The following SLC35D4 variants were observed in gnomAD, a reference collection of about 807,000 sequenced individuals.
SLC35D4 encodes UDP-N-acetylglucosamine transporter SLC35D4.
chr18:23,408,746 C>T, the SLC35D4 span, among the ~76,000 whole-genome samples: 2 of 151,846 alleles, frequency 1.3e-5, no homozygotes, highest in South Asian at 2.1e-4. Context: ...TATTTTCCTT[C>T]AACAGACATG....
chr18:23,278,861 A>C, the SLC35D4 span, among the ~76,000 whole-genome samples: 1 of 152,016 alleles, frequency 6.6e-6, no homozygotes, highest in South Asian at 2.1e-4. Flanking sequence ...AAACGAAAAA[A>C]ATATTAGCCG....
the SLC35D4 span, among the ~76,000 whole-genome samples, chr18:23,263,157 C>T: frequency 4.6e-5 from 7 of 152,326 alleles, no homozygotes; most frequent in African/African-American, 1.7e-4. Context: ...AAGATTCAAA[C>T]CCAGCTATAA....
chr18:23,403,029 C>A, the SLC35D4 span, among the ~76,000 whole-genome samples: 4 of 152,076 alleles, frequency 2.6e-5, no homozygotes, highest in African/African-American at 9.7e-5. Context: ...TCACTTGGAT[C>A]TGGGAGGTGG....
the SLC35D4 span, among the ~76,000 whole-genome samples, chr18:23,299,124 G>A: frequency 6.6e-6 from 1 of 152,142 alleles, no homozygotes; most frequent in African/African-American, 2.4e-5. Context: ...TTAGAATCAG[G>A]CCAATTCAAG....
chr18:23,316,296 A>C, the SLC35D4 span, among the ~76,000 whole-genome samples: 3 of 152,208 alleles, frequency 2.0e-5, no homozygotes, highest in African/African-American at 7.2e-5. Flanking sequence ...TCACATATGA[A>C]TGTTACCAAC....
chr18:23,404,089 G>C, the SLC35D4 span, among the ~76,000 whole-genome samples: 1,912 of 152,184 alleles, frequency 0.013, 24 homozygotes, highest in Non-Finnish European at 0.017. Flanking sequence ...CTGCACTCCA[G>C]CCTGGCGATA....
the SLC35D4 span, chr18:23,371,363 G>A: frequency 1.4e-6 from 2 of 1,383,816 alleles, no homozygotes; most frequent in South Asian, 3.0e-5. Context: ...CCAAAGTGCT[G>A]GGATTCCAGG....
At chr18:23,280,728 C>A in the SLC35D4 span, among the ~76,000 whole-genome samples, 1 of 151,916 alleles carries the variant, frequency 6.6e-6, no homozygotes, top group Non-Finnish European at 1.5e-5. Flanking sequence ...CCACAGGCAA[C>A]AGGAGACTGT....
the SLC35D4 span, among the ~76,000 whole-genome samples, chr18:23,242,383 C>G: frequency 6.6e-6 from 1 of 152,148 alleles, no homozygotes; most frequent in Non-Finnish European, 1.5e-5. Context: ...AATGTTGAGC[C>G]ACCTGGCTAC....
the SLC35D4 span, among the ~76,000 whole-genome samples, chr18:23,311,577 C>T: frequency 6.6e-6 from 1 of 152,182 alleles, no homozygotes; most frequent in Non-Finnish European, 1.5e-5. Context: ...TATAGATGAT[C>T]TTGACTCTGA....
the SLC35D4 span, among the ~76,000 whole-genome samples, chr18:23,279,828 C>A: frequency 6.6e-6 from 1 of 152,152 alleles, no homozygotes; most frequent in Admixed American, 6.5e-5. Context: ...CTCACACACA[C>A]ACATATATAC....
chr18:23,305,081 T>C, the SLC35D4 span, among the ~76,000 whole-genome samples: 23 of 152,358 alleles, frequency 1.5e-4, no homozygotes, highest in Admixed American at 1.5e-3. Flanking sequence ...TCAATAAAGA[T>C]GTTTAACTGA....
the SLC35D4 span, among the ~76,000 whole-genome samples, chr18:23,434,932 CG>C: frequency 1.3e-5 from 2 of 151,932 alleles, no homozygotes; most frequent in African/African-American, 4.8e-5. Context: ...CTGAGGTGGG[CG>C]GATCACCTGA....
the SLC35D4 span, chr18:23,370,159 A>G: frequency 6.7e-7 from 1 of 1,491,468 alleles, no homozygotes; most frequent in Non-Finnish European, 9.1e-7. Context: ...AGATCACGCC[A>G]TTGCACTCCA....
At chr18:23,300,878 T>G in the SLC35D4 span, among the ~76,000 whole-genome samples, 1 of 152,248 alleles carries the variant, frequency 6.6e-6, no homozygotes, top group Non-Finnish European at 1.5e-5. Context: ...AGCCCTTCTC[T>G]TTCTCCTATG....
chr18:23,256,923 G>A, the SLC35D4 span, among the ~76,000 whole-genome samples: 5 of 152,214 alleles, frequency 3.3e-5, no homozygotes, highest in East Asian at 3.8e-4. Flanking sequence ...CTTGGAGCCC[G>A]TTTTCTCATC....
the SLC35D4 span, among the ~76,000 whole-genome samples, chr18:23,322,992 T>G: frequency 6.6e-6 from 1 of 152,242 alleles, no homozygotes; most frequent in Non-Finnish European, 1.5e-5. Context: ...GCCAGTTATT[T>G]TTTAAACTTT....
chr18:23,356,611 A>G, the SLC35D4 span: 1 of 1,614,176 alleles, frequency 6.2e-7, no homozygotes. This position sits in a 1 kb window ranked among gnomAD's most constrained non-coding sequence, Gnocchi z 4.1. Context: ...AGCAGCTACC[A>G]TGGAATCTGT....
chr18:23,340,539 G>T, the SLC35D4 span, among the ~76,000 whole-genome samples: 1 of 152,080 alleles, frequency 6.6e-6, no homozygotes. Flanking sequence ...CTTCATCTTG[G>T]TCCTGTGTAT....
Sources: gnomAD v4.1 joint callset for allele counts (sites outside exome capture counted in the v4.1 genomes callset) on GRCh38, gnomAD v4.1.1 for gene constraint, Gnocchi (gnomAD v3.1) non-coding constraint, MANE v1.5 for transcripts, NCBI Gene and HGNC (gene_info 2026-07-23, HGNC 2026-07-21) for gene names.